The following DACH1 variants were observed in gnomAD, a reference collection of about 807,000 sequenced individuals.
DACH1 encodes dachshund homolog 1.
A neutral mutation model predicts 54.2 loss-of-function variants in DACH1; 12 were observed. That is an observed-to-expected ratio of 0.22 (90% CI 0.14 to 0.36). The LOEUF (loss-of-function observed/expected upper bound fraction) is 0.36, where lower values mean the gene tolerates loss of function less well. Ranked by LOEUF, DACH1 falls within the 10% of genes least tolerant of loss-of-function variation. The probability of loss-of-function intolerance (pLI) is 1.00; values close to 1 mark genes in which losing one functional copy is unlikely to be tolerated. For synonymous variants in DACH1, 386 were observed against 366.2 expected, an observed-to-expected ratio of 1.05 and a Z score of -0.62; for missense variants, 805 against 929.8, an observed-to-expected ratio of 0.87 and a Z score of 1.75.
At chr13:71,579,437 G>T (rs998067218) in intron 3 of DACH1, among the ~76,000 whole-genome samples, 1 of 151,940 alleles carries the variant, frequency 6.6e-6, no homozygotes, top group Admixed American at 6.6e-5. Context: ...TAAAGAGAAC[G>T]GGAAACAAAC....
intron 1 of DACH1, among the ~76,000 whole-genome samples, chr13:71,785,122 G>C (rs184382284): frequency 6.3e-4 from 96 of 152,198 alleles, no homozygotes; most frequent in African/African-American, 1.9e-3. Context: ...AGAGTATTCT[G>C]AACCACAAAA....
chr13:71,455,083 A>AGCCT (rs1345323922), intron 10 of DACH1, among the ~76,000 whole-genome samples: 2 of 152,260 alleles, frequency 1.3e-5, no homozygotes, highest in East Asian at 1.9e-4. Context: ...TTCTCCTAGG[A>AGCCT]GCCTGCCTGC....
chr13:71,836,094 T>C (rs922367725), intron 1 of DACH1, among the ~76,000 whole-genome samples: 2 of 152,044 alleles, frequency 1.3e-5, no homozygotes, highest in African/African-American at 2.4e-5. Flanking sequence ...TCTTACCTTA[T>C]CTTGCTCAAT....
chr13:71,479,171 C>G lies in DACH1; in HGVS notation c.1868G>C (p.Arg623Thr). Residue 623 changes from arginine (R) to threonine (T), a missense_variant and splice_region_variant, in exon 8 of 11, where the codon AGA becomes ACA. This residue lies in a region of DACH1 where 472 missense variants were observed against 545.3 expected (regional missense o/e 0.87). Coordinates refer to ENST00000613252, the MANE Select transcript of DACH1 (RefSeq NM_080759.6). ...CTTATCTGGAAATTTGGAAATACCT[C>G]TATTCTTTTGTTCCATAGCCAACTG... ...EKQLAMEQKN[R>T]AIVQKRLKKE... The G allele has an allele frequency of 6.2e-7, 1 of 1,605,840 alleles. No individual in the cohort carries two copies. The highest frequency in any genetic ancestry group is 8.5e-7 in the Non-Finnish European group (1 of 1,177,296).
At chr13:71,650,670 G>T (rs1204850320) in intron 2 of DACH1, among the ~76,000 whole-genome samples, 3 of 152,034 alleles carry the variant, frequency 2.0e-5, no homozygotes, top group African/African-American at 7.2e-5. Context: ...GGGATTTGTA[G>T]AATTCTAAGA....
At chr13:71,773,202 A>G (rs931070482) in intron 1 of DACH1, among the ~76,000 whole-genome samples, 2 of 151,940 alleles carry the variant, frequency 1.3e-5, no homozygotes. Flanking sequence ...TAAGAGTGTT[A>G]CTACTGAACT....
At chr13:71,592,086 A>T (rs959779611) in intron 3 of DACH1, among the ~76,000 whole-genome samples, 1 of 152,184 alleles carries the variant, frequency 6.6e-6, no homozygotes, top group Non-Finnish European at 1.5e-5. Flanking sequence ...CAGTCTTAAA[A>T]ATTCTGTGTA....
At chr13:71,602,797 G>C (rs1874591850) in intron 3 of DACH1, among the ~76,000 whole-genome samples, 1 of 151,916 alleles carries the variant, frequency 6.6e-6, no homozygotes. Context: ...ATTAGGTAGT[G>C]ATTTCTAATT....
chr13:71,464,769 C>G (rs1296655241), intron 10 of DACH1: 2 of 451,888 alleles, frequency 4.4e-6, no homozygotes, highest in East Asian at 1.4e-4. Context: ...GTCACTTAAA[C>G]TTAGAAATTT....
intron 2 of DACH1, among the ~76,000 whole-genome samples, chr13:71,678,314 GA>G (rs1161782180): frequency 6.6e-6 from 1 of 152,146 alleles, no homozygotes; most frequent in Admixed American, 6.5e-5. Context: ...AATGTTTTAA[GA>G]CAGTAAAGAT....
chr13:71,567,496 A>T (rs950191605), intron 4 of DACH1, among the ~76,000 whole-genome samples: 19 of 152,066 alleles, frequency 1.2e-4, no homozygotes, highest in African/African-American at 4.6e-4. Flanking sequence ...GTATGACTAT[A>T]TTTCACAGGC....
chr13:71,736,456 T>C lies in DACH1; in HGVS notation c.849-54546A>G, dbSNP rs188395862. Among the ~76,000 whole-genome samples the C allele has an allele frequency of 4.7e-3, 720 of 152,120 alleles. 6 individuals are homozygous for C. Among genetic ancestry groups the C allele is most frequent in the Middle Eastern group, 0.027 (8 of 294 alleles). On this transcript the variant is annotated intron_variant, in intron 1 of 10. Transcript: ENST00000613252. ...ATAGTAACAGCTTAAGGAAAAAAGG[T>C]AAATATCTTAAAAAGGAATACAGAT...
At chr13:71,613,383 A>C (rs758384634) in intron 3 of DACH1, among the ~76,000 whole-genome samples, 12 of 152,202 alleles carry the variant, frequency 7.9e-5, no homozygotes, top group Non-Finnish European at 1.5e-4. Flanking sequence ...ATGTTAAGGA[A>C]GTTGAATTTT....
chr13:71,530,388 TTTATC>T (rs1205880538), intron 6 of DACH1, among the ~76,000 whole-genome samples: 4 of 152,202 alleles, frequency 2.6e-5, no homozygotes, highest in Non-Finnish European at 4.4e-5. Flanking sequence ...TTTAAAACAT[TTTATC>T]TTATTCTTTG....
At chr13:71,715,493 C>T (rs557876970) in intron 1 of DACH1, among the ~76,000 whole-genome samples, 1 of 152,000 alleles carries the variant, frequency 6.6e-6, no homozygotes, top group Non-Finnish European at 1.5e-5. Context: ...AGGCGGTTTC[C>T]TATATTTGTG....
At position 71,558,895 on chromosome 13, in the gene DACH1, T is replaced by A. The variant is rs183313549; in HGVS notation, c.1435+925A>T. 1.5e-4 allele frequency among the ~76,000 whole-genome samples: 23 copies of A among 152,176 alleles called. No homozygotes were observed. In the East Asian group the frequency reaches 4.2e-3, roughly 28 times the overall value. Reference sequence around the variant, plus strand: ...ATTCCTTTATAACCTATAAAGTGACTTTCTAGAAAATGCTTTCCTATTATG... The same window carrying A: ...ATTCCTTTATAACCTATAAAGTGACATTCTAGAAAATGCTTTCCTATTATG... On this transcript the variant is annotated intron_variant, in intron 5 of 10. Coordinates refer to ENST00000613252, the MANE Select transcript of DACH1 (RefSeq NM_080759.6).
chr13:71,483,622 T>G (rs1878247425), intron 7 of DACH1, among the ~76,000 whole-genome samples: 1 of 150,332 alleles, frequency 6.7e-6, no homozygotes, highest in Admixed American at 6.7e-5. Context: ...TTAAAATATA[T>G]TGAAAAGTAA....
At chr13:71,798,547 T>G (rs9564846) in intron 1 of DACH1, among the ~76,000 whole-genome samples, 25,956 of 151,542 alleles carry the variant, frequency 0.17, 3,994 homozygotes, top group East Asian at 0.83. Context: ...GTGTCGTATG[T>G]CAGAATTTTG....
At chr13:71,580,941 C>T (rs1168585091) in intron 3 of DACH1, among the ~76,000 whole-genome samples, 1 of 149,620 alleles carries the variant, frequency 6.7e-6, no homozygotes. Context: ...CACTGTCACT[C>T]CCCTGATTAG....
Sources: gnomAD v4.1 joint callset for allele counts (sites outside exome capture counted in the v4.1 genomes callset) on GRCh38, gnomAD v4.1.1 for gene constraint, gnomAD v4.1.1 regional missense constraint, MANE v1.5 for transcripts, NCBI Gene and HGNC (gene_info 2026-07-23, HGNC 2026-07-21) for gene names.